The following AGBL1 variants were observed in gnomAD, a reference collection of about 807,000 sequenced individuals.
The protein encoded by AGBL1 is AGBL carboxypeptidase 1.
A neutral mutation model predicts 118.9 loss-of-function variants in AGBL1; 130 were observed. That is an observed-to-expected ratio of 1.09 (90% CI 0.95 to 1.26). The LOEUF (loss-of-function observed/expected upper bound fraction) is 1.26, where lower values mean the gene tolerates loss of function less well. AGBL1 is among the 50% of genes most tolerant of loss of function. AGBL1 has a pLI of 0.00. For missense variants in AGBL1, 1,584 were observed against 1,298.1 expected, an observed-to-expected ratio of 1.22 and a Z score of -3.38; for synonymous variants, 555 against 478.9, an observed-to-expected ratio of 1.16 and a Z score of -2.08.
At chr15:86,369,926 T>A (rs1210618923) in intron 17 of AGBL1, among the ~76,000 whole-genome samples, 1 of 152,170 alleles carries the variant, frequency 6.6e-6, no homozygotes. Context: ...TTGGCATATA[T>A]AGAATTTCAC....
chr15:86,545,237 G>C (rs1177440828), intron 19 of AGBL1, among the ~76,000 whole-genome samples: 1 of 152,186 alleles, frequency 6.6e-6, no homozygotes, highest in Non-Finnish European at 1.5e-5. Flanking sequence ...CCGATCTCTA[G>C]TATGAATGAA....
chr15:86,325,566 T>A (rs1401056125), intron 17 of AGBL1, among the ~76,000 whole-genome samples: 2 of 152,134 alleles, frequency 1.3e-5, no homozygotes, highest in Admixed American at 6.5e-5. Context: ...GTTTCACACA[T>A]GGGGAGTCTT....
chr15:86,553,588 C>A (rs978217274), intron 20 of AGBL1, among the ~76,000 whole-genome samples: 2 of 152,182 alleles, frequency 1.3e-5, no homozygotes, highest in Admixed American at 1.3e-4. Context: ...TCTCTAGAAT[C>A]ATCACTGGCC....
chr15:86,904,291 G>A (rs956173745), intron 22 of AGBL1, among the ~76,000 whole-genome samples: 33 of 151,808 alleles, frequency 2.2e-4, no homozygotes, highest in African/African-American at 7.7e-4. Flanking sequence ...GCCCTGATAC[G>A]GTCTGCCTTT....
rs756052402 is a variant in AGBL1 at position 86,390,660 on chromosome 15, A to ATTTTTTTTTT, written c.2375-6689_2375-6680dup. Among the ~76,000 whole-genome samples the ATTTTTTTTTT allele has an allele frequency of 5.3e-3, 401 of 75,452 alleles. 59 individuals are homozygous for ATTTTTTTTTT. The highest frequency in any genetic ancestry group is 0.019 in the African/African-American group (356 of 18,966). 49.5% of individuals were successfully genotyped at this position (75,452 alleles called of 152,430 possible). A position where few individuals can be genotyped will look rare whatever the true frequency, so the allele number is the denominator to read the frequency against. On this transcript the variant is annotated intron_variant, in intron 17 of 22. Coordinates refer to ENST00000614907, the MANE Select transcript of AGBL1 (RefSeq NM_001386094.1). ...AGGCAGAAAAGTTATATACTGTATG[A>ATTTTTTTTTT]TTTTTTTTTTTTTTTTTTTTTTTTT... is the stretch of plus-strand genomic sequence containing the variant.
intron 9 of AGBL1, chr15:86,262,476 G>A: frequency 2.6e-6 from 1 of 382,386 alleles, no homozygotes; most frequent in Non-Finnish European, 5.0e-6. Context: ...ATGAGATAAA[G>A]AATTTCTTTT....
chr15:86,943,080 A>G (rs891285815), intron 23 of AGBL1, among the ~76,000 whole-genome samples: 2 of 152,344 alleles, frequency 1.3e-5, no homozygotes, highest in African/African-American at 4.8e-5. Flanking sequence ...AGATTCCTAT[A>G]AGTCAGGAGA....
At chr15:86,993,044 C>T (rs1181088397) in intron 24 of AGBL1, among the ~76,000 whole-genome samples, 1 of 151,874 alleles carries the variant, frequency 6.6e-6, no homozygotes, top group Non-Finnish European at 1.5e-5. Context: ...CATTTATGAC[C>T]AATATTTGTC....
intron 18 of AGBL1, among the ~76,000 whole-genome samples, chr15:86,517,135 G>A (rs964203126): frequency 6.6e-6 from 1 of 152,182 alleles, no homozygotes; most frequent in African/African-American, 2.4e-5. Flanking sequence ...CCAAGCTTTT[G>A]GAGCTGGCTC....
At chr15:86,986,382 A>T (rs1389788377) in intron 23 of AGBL1, among the ~76,000 whole-genome samples, 1 of 152,190 alleles carries the variant, frequency 6.6e-6, no homozygotes, top group East Asian at 1.9e-4. Context: ...ATTTACACAC[A>T]CATATACACA....
intron 17 of AGBL1, among the ~76,000 whole-genome samples, chr15:86,365,016 C>CACACACACATAT (rs1183004112): frequency 7.4e-5 from 9 of 121,988 alleles, no homozygotes; most frequent in African/African-American, 2.8e-4. Context: ...TATACACACA[C>CACACACACATAT]ATATATATAT....
chr15:86,519,223 G>A (rs1464118058), intron 18 of AGBL1, among the ~76,000 whole-genome samples: 1 of 152,028 alleles, frequency 6.6e-6, no homozygotes, highest in Non-Finnish European at 1.5e-5. Context: ...CATATTCATG[G>A]ATACAGAGGG....
chr15:86,688,609 G>C (rs185980132), intron 22 of AGBL1, among the ~76,000 whole-genome samples: 5 of 152,162 alleles, frequency 3.3e-5, no homozygotes, highest in African/African-American at 1.2e-4. Flanking sequence ...AGGTTTATTA[G>C]GTTCTTAGAA....
rs192856088 is a variant in AGBL1, at chr15:86,346,223, T to G, written c.2374+50815T>G. Among the ~76,000 whole-genome samples the G allele has an allele frequency of 2.5e-4, 38 of 152,268 alleles. No individual in the cohort carries two copies. In the East Asian group the frequency reaches 6.6e-3, roughly 26 times the overall value. On this transcript the variant is annotated intron_variant, in intron 17 of 22. Transcript: ENST00000614907. ...ATCTTGAACTCCTGACCTTGTGATCTGCCCATCTCGGCCTCCCAAAGTGCT... is the reference window on the plus strand; with the variant it reads ...ATCTTGAACTCCTGACCTTGTGATCGGCCCATCTCGGCCTCCCAAAGTGCT...
intron 22 of AGBL1, among the ~76,000 whole-genome samples, chr15:86,802,689 A>C (rs747662764): frequency 3.3e-5 from 5 of 152,198 alleles, no homozygotes; most frequent in Non-Finnish European, 7.3e-5. Context: ...CACACAAACA[A>C]ACATGAAATC....
intron 10 of AGBL1, among the ~76,000 whole-genome samples, chr15:86,263,101 T>A (rs919331465): frequency 6.6e-6 from 1 of 152,066 alleles, no homozygotes; most frequent in African/African-American, 2.4e-5. Flanking sequence ...TATGCAAGAG[T>A]TCTTCAGTCT....
At chr15:86,207,389 A>G (rs1003547436) in intron 5 of AGBL1, among the ~76,000 whole-genome samples, 1 of 152,194 alleles carries the variant, frequency 6.6e-6, no homozygotes, top group Non-Finnish European at 1.5e-5. Flanking sequence ...TTGAATCTAT[A>G]AATTACCTTG....
chr15:86,961,965 C>T (rs928291043), intron 23 of AGBL1, among the ~76,000 whole-genome samples: 6 of 151,974 alleles, frequency 3.9e-5, no homozygotes, highest in Admixed American at 6.6e-5. Context: ...GAGTAATGTC[C>T]GAAAAGCCTG....
chr15:86,576,620 C>G (rs1424060141), intron 21 of AGBL1, among the ~76,000 whole-genome samples: 1 of 152,122 alleles, frequency 6.6e-6, no homozygotes, highest in Non-Finnish European at 1.5e-5. Flanking sequence ...CTTGAAATAC[C>G]TAAGGAGGCA....
Sources: allele counts gnomAD v4.1 joint callset (sites outside exome capture counted in the v4.1 genomes callset), GRCh38; gene constraint gnomAD v4.1.1; transcripts MANE v1.5; gene names NCBI Gene and HGNC (gene_info 2026-07-23, HGNC 2026-07-21).